RHOBTB2: variants seen among roughly 807,000 people sequenced by gnomAD.
The protein encoded by RHOBTB2 is rho-related BTB domain-containing protein 2.
A neutral mutation model predicts 66.5 loss-of-function variants in RHOBTB2; 39 were observed. That is an observed-to-expected ratio of 0.59 (90% CI 0.45 to 0.77). RHOBTB2 has a LOEUF of 0.77. RHOBTB2 is among the 30% of genes least tolerant of loss of function. The probability of loss-of-function intolerance (pLI) is 0.00; values close to 1 mark genes in which losing one functional copy is unlikely to be tolerated. For synonymous variants in RHOBTB2, 390 were observed against 395.0 expected (o/e 0.99, Z 0.15); for missense variants, 755 against 999.1 (o/e 0.76, Z 3.29).
chr8:22,988,139 T>A (rs571089990), intron 1 of RHOBTB2, among the ~76,000 whole-genome samples: 1 of 148,372 alleles, frequency 6.7e-6, no homozygotes, highest in Non-Finnish European at 1.5e-5. Flanking sequence ...ATCTCTGTTG[T>A]CCTGCTCCTT....
chr8:23,006,840 G>A lies in RHOBTB2; in HGVS notation c.595G>A (p.Val199Ile), dbSNP rs769022145. Residue 199 changes from valine (V) to isoleucine (I), a missense_variant, in exon 5 of 10, where the codon GTC becomes ATC. Transcript: ENST00000251822. This position sits in a 1 kb window ranked among gnomAD's most constrained non-coding sequence, Gnocchi z 6.1. ...GGTGGCCCAGTTCGGCATCAAGGAC[G>A]TCTTTGACAACGCCATCCGAGCTGC... ...SVVAQFGIKD[V>I]FDNAIRAALI... The A allele has an allele frequency of 1.2e-5, 20 of 1,614,016 alleles. No homozygotes were observed. The highest frequency in any genetic ancestry group is 1.6e-4 in the Middle Eastern group (1 of 6,084).
intron 1 of RHOBTB2, among the ~76,000 whole-genome samples, chr8:23,002,804 G>A (rs979947970): frequency 6.6e-6 from 1 of 152,186 alleles, no homozygotes; most frequent in African/African-American, 2.4e-5. Flanking sequence ...CTCGTTGAAG[G>A]GTCCAGATCC....
At chr8:22,957,449 G>A in the RHOBTB2 span, among the ~76,000 whole-genome samples, 2 of 152,226 alleles carry the variant, frequency 1.3e-5, no homozygotes, top group South Asian at 2.1e-4. Context: ...GATTATCCCC[G>A]ACAGCCAGCC....
intron 7 of RHOBTB2, among the ~76,000 whole-genome samples, chr8:23,013,408 T>C (rs1381419494): frequency 6.6e-6 from 1 of 152,092 alleles, no homozygotes; most frequent in African/African-American, 2.4e-5. Context: ...GCACTTTTTA[T>C]GGGCATACTG....
the RHOBTB2 span, among the ~76,000 whole-genome samples, chr8:22,976,979 G>T: frequency 2.0e-5 from 3 of 151,674 alleles, no homozygotes; most frequent in Admixed American, 2.0e-4. Context: ...TCCCAGGCAG[G>T]TACAGTGGCT....
In RHOBTB2 at chr8:23,011,668, G is replaced by A. The variant is rs536630985; in HGVS notation, c.1771+980G>A. Among the ~76,000 whole-genome samples the A allele has an allele frequency of 2.6e-5, 4 of 152,316 alleles. No individual in the cohort carries two copies. The East Asian group carries it at 7.7e-4, about 29-fold the overall frequency. On this transcript the variant is annotated intron_variant, in intron 7 of 9. Transcript: ENST00000251822. ...TGCTCGTGGGGTGAAGGGAGCCTGG[G>A]GCCAGAGACCCAGGCAGGCAGACGG...
rs1427719191 is a variant in RHOBTB2 at position 23,006,004 on chromosome 8, C to T, written c.341C>T (p.Ser114Phe). 2 of 1,613,962 alleles carry T rather than the reference C, an allele frequency of 1.2e-6. No homozygotes were observed. The change falls in exon 4 of 10, where the codon TCC (serine) becomes TTC (phenylalanine). Residue 114 changes from serine (S) to phenylalanine (F), a missense_variant. By Grantham distance (155) the Ser-to-Phe change is radical. Around this residue, in one of 7 missense-constraint regions of RHOBTB2, gnomAD observed 33 missense variants for 36.0 expected, o/e 0.92. Coordinates refer to ENST00000251822, the MANE Select transcript of RHOBTB2 (RefSeq NM_015178.3). This position sits in a 1 kb window ranked among gnomAD's most constrained non-coding sequence, Gnocchi z 6.1. ...TGCTTCTCCATTGCCAACCCCAATT[C>T]CCTCCACCATGTCAAGACCATGTGG... The part of the protein sequence containing the change: ...VLCFSIANPN[S>F]LHHVKTMWYP...
chr8:22,956,702 C>T, the RHOBTB2 span, among the ~76,000 whole-genome samples: 1 of 152,176 alleles, frequency 6.6e-6, no homozygotes, highest in Non-Finnish European at 1.5e-5. Flanking sequence ...GCTCTTGTTG[C>T]CCAAGCTGGA....
the RHOBTB2 span, among the ~76,000 whole-genome samples, chr8:22,958,802 GAAAAAAAAAA>G: frequency 9.8e-4 from 51 of 52,180 alleles, 1 homozygote; most frequent in East Asian, 0.015. Context: ...GCCCCTCTCT[GAAAAAAAAAA>G]AAAAAAAAAA....
At chr8:23,005,872 T>C in intron 3 of RHOBTB2, 88 bp from the exon 4 acceptor site, 1 of 1,242,532 alleles carries the variant, frequency 8.0e-7, no homozygotes, top group South Asian at 1.3e-5. Context: ...GGTGTGGGAC[T>C]GTACAGGGCT....
intron 7 of RHOBTB2, among the ~76,000 whole-genome samples, chr8:23,013,265 T>C (rs1311885999): frequency 6.6e-6 from 1 of 152,002 alleles, no homozygotes; most frequent in Non-Finnish European, 1.5e-5. Context: ...AGAAAATGCC[T>C]TTCTACTCAT....
At chr8:22,974,154 G>T in the RHOBTB2 span, among the ~76,000 whole-genome samples, 3 of 152,154 alleles carry the variant, frequency 2.0e-5, no homozygotes, top group Non-Finnish European at 4.4e-5. Context: ...CCGGGTCTAG[G>T]GTGGGGGTAT....
the RHOBTB2 span, among the ~76,000 whole-genome samples, chr8:22,965,885 CAT>C: frequency 6.6e-6 from 1 of 151,920 alleles, no homozygotes; most frequent in Admixed American, 6.6e-5. Context: ...TTGAATATGA[CAT>C]AAAAAAGACA....
the RHOBTB2 span, among the ~76,000 whole-genome samples, chr8:22,970,522 G>A: frequency 6.6e-6 from 1 of 151,894 alleles, no homozygotes; most frequent in African/African-American, 2.4e-5. Flanking sequence ...GATTGCTTGA[G>A]CTCAGGAGTT....
At chr8:22,993,316 C>T (rs1810469451) in intron 2 of RHOBTB2, among the ~76,000 whole-genome samples, 1 of 152,154 alleles carries the variant, frequency 6.6e-6, no homozygotes. Context: ...TGCACCACTG[C>T]ATCCGGTTCT....
In RHOBTB2 at chr8:23,007,706, C is replaced by A. The variant is rs969989376; in HGVS notation, c.1461C>A (p.Thr487=). Residue 487 remains threonine, a synonymous_variant, in exon 5 of 10, where the codon ACC becomes ACA. Coordinates refer to ENST00000251822, the MANE Select transcript of RHOBTB2 (RefSeq NM_015178.3). ...CCAAGGCCTTCCACGTCCGCCGGAC[C>A]AACCGGGTTAAGGAGTGCTTGGCAA... ...EITKAFHVRR[T]NRVKECLAKG... is the part of the protein sequence containing the mutation. The A allele has an allele frequency of 5.0e-6, 8 of 1,614,172 alleles. No individual in the cohort carries two copies. Among genetic ancestry groups the A allele is most frequent in the Admixed American group, 1.7e-5 (1 of 60,024 alleles).
chr8:23,002,032 G>A (rs1810800398), intron 1 of RHOBTB2, among the ~76,000 whole-genome samples: 1 of 152,196 alleles, frequency 6.6e-6, no homozygotes, highest in South Asian at 2.1e-4. Flanking sequence ...TGCTCTGCTG[G>A]TGTTCTGGCA....
rs746932890 is a variant in RHOBTB2 at position 23,007,002 on chromosome 8, G to A, written c.757G>A (p.Glu253Lys). 44 of 1,609,344 alleles carry A rather than the reference G, an allele frequency of 2.7e-5. No homozygotes were observed. Among genetic ancestry groups the A allele is most frequent in the Middle Eastern group, 1.6e-4 (1 of 6,084 alleles). The change falls in exon 5 of 10, where the codon GAG (glutamate) becomes AAG (lysine). Residue 253 changes from glutamate to lysine, a missense_variant. By Grantham distance (56) the Glu-to-Lys change is moderately conservative (BLOSUM62 1). This residue lies in a region of RHOBTB2 where 247 missense variants were observed against 238.9 expected (regional missense o/e 1.03). Transcript: ENST00000251822. ...GGTGCCCGACCCTCCCTCCAGCAGCGAGGAGTGCCCCGCCCACCTCCTGGA... is the reference window on the plus strand; with the variant it reads ...GGTGCCCGACCCTCCCTCCAGCAGCAAGGAGTGCCCCGCCCACCTCCTGGA... ...IVVPDPPSSSEECPAHLLEDP... is the reference protein window; with the variant it reads ...IVVPDPPSSSKECPAHLLEDP...
chr8:22,999,840 G>C lies in RHOBTB2; in HGVS notation c.-276G>C. 1.0e-6 allele frequency: 1 copy of C among 984,612 alleles called. No individual in the cohort carries two copies. The highest frequency in any genetic ancestry group is 1.2e-6 in the Non-Finnish European group (1 of 829,876). The allele number at this position is 984,612 out of a possible 1,614,324, so 61.0% of individuals were successfully genotyped here. On this transcript the variant is annotated 5_prime_UTR_variant, in exon 1 of 10. Coordinates refer to ENST00000251822, the MANE Select transcript of RHOBTB2 (RefSeq NM_015178.3). ...CGTGACATTGGGCGCCTGGCGCGCG[G>C]GGCGATGCTGATCCGGAAGGGGCAG...
Sources: allele counts gnomAD v4.1 joint callset (sites outside exome capture counted in the v4.1 genomes callset), GRCh38; gene constraint gnomAD v4.1.1; regional missense constraint gnomAD v4.1.1; non-coding constraint Gnocchi (gnomAD v3.1); transcripts MANE v1.5; gene names NCBI Gene and HGNC (gene_info 2026-07-23, HGNC 2026-07-21).